The following TMEM132B variants were observed in gnomAD, a reference collection of about 807,000 sequenced individuals.
TMEM132B encodes transmembrane protein 132B.
TMEM132B carries 18 observed loss-of-function variants against 90.8 expected under a neutral mutation model. The observed-to-expected ratio is 0.20, with a 90% confidence interval of 0.14 to 0.29. The LOEUF (loss-of-function observed/expected upper bound fraction) is 0.29, where lower values mean the gene tolerates loss of function less well. Ranked by LOEUF, TMEM132B falls within the 10% of genes least tolerant of loss-of-function variation. The probability of loss-of-function intolerance (pLI) is 1.00; values close to 1 mark genes in which losing one functional copy is unlikely to be tolerated. For missense variants in TMEM132B, 1,096 were observed against 1,326.8 expected (o/e 0.83, Z 2.70); for synonymous variants, 504 against 523.3 (o/e 0.96, Z 0.50).
intron 2 of TMEM132B, among the ~76,000 whole-genome samples, chr12:125,367,577 A>G (rs564083173): frequency 6.6e-6 from 1 of 152,106 alleles, no homozygotes; most frequent in South Asian, 2.1e-4. Flanking sequence ...CCCAATCCCA[A>G]CTGCATTTTT....
At chr12:125,389,459 C>G (rs1878945947) in intron 2 of TMEM132B, among the ~76,000 whole-genome samples, 1 of 151,950 alleles carries the variant, frequency 6.6e-6, no homozygotes, top group African/African-American at 2.4e-5. Context: ...TTCCTGCTCT[C>G]TAGCCCTAGA....
chr12:125,610,657 A>G (rs1320555014), intron 5 of TMEM132B, among the ~76,000 whole-genome samples: 1 of 152,018 alleles, frequency 6.6e-6, no homozygotes, highest in Non-Finnish European at 1.5e-5. Flanking sequence ...GTGTGTGTAT[A>G]TATGTTTTAT....
intron 4 of TMEM132B, among the ~76,000 whole-genome samples, chr12:125,580,187 C>T (rs749432874): frequency 1.1e-4 from 17 of 152,140 alleles, no homozygotes; most frequent in Non-Finnish European, 2.1e-4. Flanking sequence ...TGCACACAGC[C>T]CTAAGTATGA....
chr12:125,389,798 C>G (rs1273715964), intron 2 of TMEM132B, among the ~76,000 whole-genome samples: 3 of 152,290 alleles, frequency 2.0e-5, no homozygotes, highest in African/African-American at 7.2e-5. Context: ...ATAAGTAGGG[C>G]ACCTTTGTAA....
intron 3 of TMEM132B, among the ~76,000 whole-genome samples, chr12:125,501,766 G>C (rs1009832222): frequency 1.3e-5 from 2 of 152,190 alleles, no homozygotes; most frequent in Non-Finnish European, 2.9e-5. Context: ...AGGTGGAGGA[G>C]ACCATTTTGC....
chr12:125,379,448 C>G (rs1878593447), intron 2 of TMEM132B, among the ~76,000 whole-genome samples: 1 of 152,164 alleles, frequency 6.6e-6, no homozygotes, highest in Non-Finnish European at 1.5e-5. Context: ...ACCAACCAAC[C>G]AACAAGCAAC....
chr12:125,657,794 T>C lies in TMEM132B; in HGVS notation c.*3084T>C, dbSNP rs1439593641. On this transcript the variant is annotated 3_prime_UTR_variant, in exon 9 of 9. Transcript: ENST00000682704. ...GCTGAGGGAGACACCAGCAAGCCTCTTGAGAAGGCACCAGACAGTGAACTC... is the reference window on the plus strand; with the variant it reads ...GCTGAGGGAGACACCAGCAAGCCTCCTGAGAAGGCACCAGACAGTGAACTC... 1.3e-5 allele frequency: 2 copies of C among 152,222 alleles called. No homozygotes were observed. The highest frequency in any genetic ancestry group is 2.9e-5 in the Non-Finnish European group (2 of 68,070). 9.4% of individuals were successfully genotyped at this position (152,222 alleles called of 1,614,324 possible).
intron 4 of TMEM132B, among the ~76,000 whole-genome samples, chr12:125,520,909 T>C (rs1883291082): frequency 6.6e-6 from 1 of 152,202 alleles, no homozygotes; most frequent in African/African-American, 2.4e-5. Context: ...TTTTTGAAGA[T>C]TAGACTGACG....
intron 1 of TMEM132B, among the ~76,000 whole-genome samples, chr12:125,235,699 A>C (rs973830442): frequency 3.3e-5 from 5 of 151,884 alleles, no homozygotes; most frequent in Admixed American, 6.6e-5. Context: ...ATTTTATGTA[A>C]ATTGACTCGT....
In TMEM132B at chr12:125,274,992, G is replaced by A. The variant is rs979411421; in HGVS notation, c.68-74460G>A. On this transcript the variant is annotated intron_variant, in intron 1 of 8. Transcript: ENST00000682704. ...CAAAATAACAAAATTACAATAATCC[G>A]CAAAGCTAGGAAGGTGGGACATGGT... is the stretch of plus-strand genomic sequence containing the variant. 1.1e-4 allele frequency among the ~76,000 whole-genome samples: 16 copies of A among 152,206 alleles called. No individual in the cohort carries two copies. The East Asian group carries it at 1.9e-3, about 18-fold the overall frequency.
At chr12:125,389,050 AC>A (rs1878930485) in intron 2 of TMEM132B, among the ~76,000 whole-genome samples, 1 of 151,324 alleles carries the variant, frequency 6.6e-6, no homozygotes, top group African/African-American at 2.4e-5. Context: ...ACACACACAC[AC>A]ACACAAACAC....
chr12:125,202,737 C>G (rs1420624302), intron 1 of TMEM132B, among the ~76,000 whole-genome samples: 1 of 152,154 alleles, frequency 6.6e-6, no homozygotes, highest in African/African-American at 2.4e-5. Flanking sequence ...CACCATGAGG[C>G]CAGATCTTTG....
intron 4 of TMEM132B, among the ~76,000 whole-genome samples, chr12:125,535,993 C>T (rs1592980723): frequency 6.6e-6 from 1 of 152,284 alleles, no homozygotes; most frequent in South Asian, 2.1e-4. Flanking sequence ...TTAAGAATTC[C>T]CCCATGAAAA....
chr12:125,462,390 A>G (rs1881460002), intron 3 of TMEM132B, among the ~76,000 whole-genome samples: 1 of 137,162 alleles, frequency 7.3e-6, no homozygotes, highest in African/African-American at 2.6e-5. Flanking sequence ...AGAAAGAACA[A>G]GACTGTTTCT....
intron 5 of TMEM132B, among the ~76,000 whole-genome samples, chr12:125,614,774 T>C (rs551202475): frequency 1.1e-4 from 17 of 152,322 alleles, no homozygotes; most frequent in African/African-American, 3.6e-4. Context: ...TATGGATATA[T>C]GCTTTTTAAA....
rs1292696871 is a variant in TMEM132B at position 125,492,089 on chromosome 12, G to A, written c.1107-27350G>A. Among the ~76,000 whole-genome samples, 1 of 152,164 alleles carries A rather than the reference G, an allele frequency of 6.6e-6. No individual in the cohort carries two copies. Among genetic ancestry groups the A allele is most frequent in the African/African-American group, 2.4e-5 (1 of 41,432 alleles). On this transcript the variant is annotated intron_variant, in intron 3 of 8. Coordinates refer to ENST00000682704, the MANE Select transcript of TMEM132B (RefSeq NM_001366854.1). This position sits in a 1 kb window ranked among gnomAD's most constrained non-coding sequence, Gnocchi z 5.8. Reference sequence around the variant, plus strand: ...CAAGGAGGATCAATACTGCTTATGTGGAGTGAAAGTGGCCCATGTCATGGG... The same window carrying A: ...CAAGGAGGATCAATACTGCTTATGTAGAGTGAAAGTGGCCCATGTCATGGG...
chr12:125,349,609 G>A lies in TMEM132B; in HGVS notation c.225G>A (p.Val75=), dbSNP rs762620042. 3 of 1,614,130 alleles carry A rather than the reference G, an allele frequency of 1.9e-6. No homozygotes were observed. The South Asian group carries it at 3.3e-5, about 18-fold the overall frequency. The change falls in exon 2 of 9, where the codon GTG becomes GTA. Residue 75 remains valine (V), a synonymous_variant. Coordinates refer to ENST00000682704, the MANE Select transcript of TMEM132B (RefSeq NM_001366854.1). This position sits in a 1 kb window ranked among gnomAD's most constrained non-coding sequence, Gnocchi z 4.1. ...GGAACTCCAGTCTGCAGGCCCGGGT[G>A]GAGCCATTCTTCATCTACCGAGCCA... ...LTRNSSLQAR[V]EPFFIYRART... is the part of the protein sequence containing the mutation.
intron 3 of TMEM132B, among the ~76,000 whole-genome samples, chr12:125,456,469 C>T (rs980262438): frequency 2.6e-5 from 4 of 152,244 alleles, no homozygotes; most frequent in East Asian, 3.8e-4. Context: ...CCAGGGCACT[C>T]ACTGTCGGGG....
In TMEM132B at chr12:125,415,458, G is replaced by C; in HGVS notation, c.960-73G>C. ...TGCTTTCCCAGTGATCTGCTCTCGT[G>C]CCATCTTTTACTACCTGTTTCAAAC... On this transcript the variant is annotated intron_variant, in intron 2 of 8. Coordinates refer to ENST00000682704, the MANE Select transcript of TMEM132B (RefSeq NM_001366854.1). The surrounding 1 kb of genome is among the most constrained non-coding windows in gnomAD (Gnocchi z 5.3). 1.3e-6 allele frequency: 2 copies of C among 1,557,016 alleles called. No individual in the cohort carries two copies. Among genetic ancestry groups the C allele is most frequent in the Non-Finnish European group, 1.7e-6 (2 of 1,145,322 alleles).
Sources: gnomAD v4.1 joint callset for allele counts (sites outside exome capture counted in the v4.1 genomes callset) on GRCh38, gnomAD v4.1.1 for gene constraint, Gnocchi (gnomAD v3.1) non-coding constraint, MANE v1.5 for transcripts, NCBI Gene and HGNC (gene_info 2026-07-23, HGNC 2026-07-21) for gene names.